The following SLC16A7 variants were observed in gnomAD, a reference collection of about 807,000 sequenced individuals.
SLC16A7 encodes the protein solute carrier family 16 member 7.
In SLC16A7, 33 loss-of-function variants were observed where a neutral mutation model predicts 34.9. That is an observed-to-expected ratio of 0.94 (90% confidence interval 0.72 to 1.26). The LOEUF is 1.26. SLC16A7 is among the 50% of genes most tolerant of loss of function. The pLI is 0.00. For synonymous variants in SLC16A7, 201 were observed against 206.6 expected, an observed-to-expected ratio of 0.97 and a Z score of 0.23; for missense variants, 573 against 578.1, an observed-to-expected ratio of 0.99 and a Z score of 0.09.
chr12:59,742,759 T>C (rs1235159051), intron 3 of SLC16A7, among the ~76,000 whole-genome samples: 1 of 152,202 alleles, frequency 6.6e-6, no homozygotes, highest in Non-Finnish European at 1.5e-5. Context: ...TTAATGATAT[T>C]CTTGGGCTAC....
intron 3 of SLC16A7, among the ~76,000 whole-genome samples, chr12:59,740,576 T>A (rs1470907047): frequency 6.6e-6 from 1 of 152,094 alleles, no homozygotes; most frequent in Non-Finnish European, 1.5e-5. Context: ...TAATAAGAGC[T>A]ATCTATGACA....
In SLC16A7 at chr12:59,754,072, C is replaced by A. The variant is rs548851829; in HGVS notation, c.218-17147C>A. Among the ~76,000 whole-genome samples, 319 of 152,140 alleles carry A rather than the reference C, an allele frequency of 2.1e-3. 2 individuals carry two copies. Among genetic ancestry groups the A allele is most frequent in the Non-Finnish European group, 3.6e-3 (247 of 68,000 alleles). ...TTTGAAACCAATGAGAACAAAGACG[C>A]AACATACCAGAATCTCTGGGACACA... is the stretch of plus-strand genomic sequence containing the variant. On this transcript the variant is annotated intron_variant, in intron 3 of 5. Coordinates refer to ENST00000547379, the MANE Select transcript of SLC16A7 (RefSeq NM_001270623.2).
At chr12:59,730,492 A>G (rs1023592868) in intron 3 of SLC16A7, among the ~76,000 whole-genome samples, 7 of 152,058 alleles carry the variant, frequency 4.6e-5, no homozygotes, top group Non-Finnish European at 1.0e-4. Flanking sequence ...GTTACATAGT[A>G]TAGTTGCAGC....
intron 3 of SLC16A7, chr12:59,720,056 ACCTTTCTTTTCTAATTCT>A: frequency 1.4e-6 from 1 of 699,122 alleles, no homozygotes; most frequent in Non-Finnish European, 2.6e-6. Flanking sequence ...TCATGACTAT[ACCTTTCTTTTCTAATTCT>A]TCAGGTTGGT....
intron 3 of SLC16A7, among the ~76,000 whole-genome samples, chr12:59,770,967 G>A (rs994316727): frequency 6.6e-6 from 1 of 151,910 alleles, no homozygotes; most frequent in African/African-American, 2.4e-5. Flanking sequence ...AATGATTATG[G>A]TTACAACGAA....
intron 2 of SLC16A7, among the ~76,000 whole-genome samples, chr12:59,671,678 C>A (rs11173109): frequency 0.28 from 39,781 of 143,598 alleles, 5,762 homozygotes; most frequent in African/African-American, 0.37. Context: ...CTCTCTCTCT[C>A]TATATATATA....
intron 2 of SLC16A7, among the ~76,000 whole-genome samples, chr12:59,676,829 A>G (rs1197257200): frequency 1.3e-5 from 2 of 151,080 alleles, no homozygotes; most frequent in South Asian, 4.2e-4. Flanking sequence ...ACTTATGCAA[A>G]CGTTACTTAA....
rs151027047 is a variant in SLC16A7, at chr12:59,714,689, C to T, written c.217+9671C>T. ...AAGTGATTCTCCTGTCTCAGCCTCT[C>T]GAGTAGCTAGGATTACAGGTGCCCA... On this transcript the variant is annotated intron_variant, in intron 3 of 5. Coordinates refer to ENST00000547379, the MANE Select transcript of SLC16A7 (RefSeq NM_001270623.2). 4.4e-3 allele frequency among the ~76,000 whole-genome samples: 664 copies of T among 152,128 alleles called. 7 individuals are homozygous for T. The highest frequency in any genetic ancestry group is 0.014 in the African/African-American group (599 of 41,532).
intron 1 of SLC16A7, among the ~76,000 whole-genome samples, chr12:59,630,835 T>C (rs1880150688): frequency 6.6e-6 from 1 of 151,966 alleles, no homozygotes; most frequent in South Asian, 2.1e-4. Context: ...AGTGGTTTCA[T>C]GGTATTCACA....
At chr12:59,644,912 G>A (rs533293051) in intron 1 of SLC16A7, among the ~76,000 whole-genome samples, 141 of 152,314 alleles carry the variant, frequency 9.3e-4, no homozygotes, top group African/African-American at 3.3e-3. Flanking sequence ...TTTTCATGAA[G>A]TAAGTAAAAA....
At chr12:59,622,820 A>G (rs1445796251) in intron 1 of SLC16A7, among the ~76,000 whole-genome samples, 1 of 151,816 alleles carries the variant, frequency 6.6e-6, no homozygotes, top group Non-Finnish European at 1.5e-5. Flanking sequence ...CCGAATTTTT[A>G]AATTTAATTT....
intron 3 of SLC16A7, among the ~76,000 whole-genome samples, chr12:59,766,890 A>G (rs978581819): frequency 7.2e-5 from 11 of 152,102 alleles, no homozygotes; most frequent in South Asian, 2.1e-4. Context: ...TGATTGGAAT[A>G]GCTTCAGAAG....
intron 1 of SLC16A7, among the ~76,000 whole-genome samples, chr12:59,602,624 T>C (rs1878741730): frequency 6.6e-6 from 1 of 151,370 alleles, no homozygotes. Context: ...GCTGGGACTA[T>C]AGGCGCCCAC....
At chr12:59,744,780 G>A (rs1180520224) in intron 3 of SLC16A7, among the ~76,000 whole-genome samples, 2 of 152,186 alleles carry the variant, frequency 1.3e-5, no homozygotes, top group Admixed American at 1.3e-4. Flanking sequence ...CACTGCTGCA[G>A]GGCCCTGGAT....
intron 3 of SLC16A7, among the ~76,000 whole-genome samples, chr12:59,731,483 A>C (rs575108500): frequency 5.3e-5 from 8 of 152,206 alleles, no homozygotes; most frequent in Non-Finnish European, 1.2e-4. Flanking sequence ...GAAGTGCTTG[A>C]TAGTAGGATA....
intron 2 of SLC16A7, among the ~76,000 whole-genome samples, chr12:59,660,641 T>C (rs1380931066): frequency 6.6e-6 from 1 of 151,438 alleles, no homozygotes; most frequent in East Asian, 1.9e-4. Flanking sequence ...AGCCCAGGAG[T>C]TCAAGGCTGC....
At chr12:59,763,210 A>G (rs1297019727) in intron 3 of SLC16A7, among the ~76,000 whole-genome samples, 1 of 152,100 alleles carries the variant, frequency 6.6e-6, no homozygotes, top group Admixed American at 6.6e-5. Flanking sequence ...GTGCTAGTTA[A>G]GCAGATACAG....
chr12:59,646,331 A>T (rs552117788), intron 1 of SLC16A7, among the ~76,000 whole-genome samples: 3 of 152,280 alleles, frequency 2.0e-5, no homozygotes, highest in Non-Finnish European at 4.4e-5. Context: ...TTTGTGTCTC[A>T]GCCACTCTAG....
At chr12:59,708,997 G>A (rs1426437530) in intron 3 of SLC16A7, among the ~76,000 whole-genome samples, 5 of 151,562 alleles carry the variant, frequency 3.3e-5, no homozygotes, top group South Asian at 4.2e-4. Context: ...CATTAATAAA[G>A]CACTAAGTAG....
Sources: allele counts gnomAD v4.1 joint callset (sites outside exome capture counted in the v4.1 genomes callset), GRCh38; gene constraint gnomAD v4.1.1; transcripts MANE v1.5; gene names NCBI Gene and HGNC (gene_info 2026-07-23, HGNC 2026-07-21).